The following DIAPH2 variants were observed in gnomAD, a reference collection of about 807,000 sequenced individuals.
DIAPH2 encodes the protein protein diaphanous homolog 2.
Under a neutral mutation model 92.7 loss-of-function variants are expected in DIAPH2, and 35 were observed. The ratio of observed to expected loss-of-function variants is 0.38; its 90% confidence interval spans 0.29 to 0.50. The LOEUF is 0.50. DIAPH2 is among the 20% of genes least tolerant of loss of function. The probability of loss-of-function intolerance (pLI) is 0.94; values close to 1 mark genes in which losing one functional copy is unlikely to be tolerated. For synonymous variants in DIAPH2, 301 were observed against 280.4 expected (o/e 1.07, Z -0.73); for missense variants, 701 against 819.5 (o/e 0.86, Z 1.77).
chrX:96,733,023 A>T (rs1367154429), intron 1 of DIAPH2, among the ~76,000 whole-genome samples: 2 of 111,731 alleles, frequency 1.8e-5, no homozygotes, highest in African/African-American at 6.5e-5. Context: ...TCTATAGGTC[A>T]TCAGGAGGCA....
intron 25 of DIAPH2, among the ~76,000 whole-genome samples, chrX:97,420,630 T>G (rs1425899320): frequency 8.9e-6 from 1 of 111,963 alleles, no homozygotes; most frequent in Admixed American, 9.4e-5. Context: ...GGTTTTAACT[T>G]TAATTGCTCT....
At chrX:97,019,260 A>G (rs1165712148) in intron 17 of DIAPH2, among the ~76,000 whole-genome samples, 2 of 111,600 alleles carry the variant, frequency 1.8e-5, no homozygotes, top group Non-Finnish European at 3.8e-5. Flanking sequence ...CAATCATGGT[A>G]AGAGTATGTT....
intron 17 of DIAPH2, among the ~76,000 whole-genome samples, chrX:96,987,075 C>T (rs771997060): frequency 9.0e-6 from 1 of 111,051 alleles, no homozygotes; most frequent in African/African-American, 3.3e-5. Context: ...AGAAAATAGT[C>T]CTTTTGCCTA....
intron 10 of DIAPH2, among the ~76,000 whole-genome samples, chrX:96,936,405 C>G (rs1375719243): frequency 9.0e-6 from 1 of 111,661 alleles, no homozygotes; most frequent in African/African-American, 3.2e-5. Flanking sequence ...ATCCTAGTCC[C>G]ACTTTCGGTA....
chrX:97,228,264 C>G (rs189863151), intron 22 of DIAPH2, among the ~76,000 whole-genome samples: 1 of 111,287 alleles, frequency 9.0e-6, no homozygotes, highest in Non-Finnish European at 1.9e-5. Context: ...AGCAGGTGCA[C>G]GCAGCAAATC....
At chrX:96,980,861 A>T (rs939979992) in intron 17 of DIAPH2, among the ~76,000 whole-genome samples, 1 of 109,150 alleles carries the variant, frequency 9.2e-6, no homozygotes, top group African/African-American at 3.3e-5. Flanking sequence ...GGGTGTTTTT[A>T]AAAAAATGTG....
At chrX:97,287,384 G>A (rs186630104) in intron 23 of DIAPH2, among the ~76,000 whole-genome samples, 182 of 111,306 alleles carry the variant, frequency 1.6e-3, no homozygotes, top group African/African-American at 5.6e-3. Flanking sequence ...GTACTGTTTA[G>A]CTGATACACG....
intron 20 of DIAPH2, among the ~76,000 whole-genome samples, chrX:97,104,067 C>T (rs2066922959): frequency 9.0e-6 from 1 of 111,674 alleles, no homozygotes. Flanking sequence ...TCCCAGATTA[C>T]CTTTTTTCTT....
chrX:97,048,099 G>A (rs1159271476), intron 17 of DIAPH2, among the ~76,000 whole-genome samples: 1 of 110,560 alleles, frequency 9.0e-6, no homozygotes, highest in East Asian at 2.8e-4. Flanking sequence ...CAAACCTACA[G>A]AAATTGCAAG....
intron 1 of DIAPH2, among the ~76,000 whole-genome samples, chrX:96,686,546 A>G (rs2063772156): frequency 8.9e-6 from 1 of 111,804 alleles, no homozygotes; most frequent in Admixed American, 9.5e-5. Flanking sequence ...GTTCCTAGCT[A>G]ACTTCACTGT....
At chrX:96,882,971 A>AAAAAAAAAAAAAC (rs1268611049) in intron 5 of DIAPH2, among the ~76,000 whole-genome samples, 1 of 99,652 alleles carries the variant, frequency 1.0e-5, no homozygotes, top group Non-Finnish European at 2.0e-5. Flanking sequence ...AAAAAAAAAA[A>AAAAAAAAAAAAAC]AAAAAAAAAA....
intron 4 of DIAPH2, among the ~76,000 whole-genome samples, chrX:96,790,890 A>G (rs1417360453): frequency 9.0e-6 from 1 of 111,338 alleles, no homozygotes; most frequent in East Asian, 2.8e-4. Context: ...ATAGAAATTG[A>G]TCTTGATGAG....
At chrX:96,780,119 G>A (rs939745774) in intron 4 of DIAPH2, among the ~76,000 whole-genome samples, 4 of 111,975 alleles carry the variant, frequency 3.6e-5, no homozygotes. Context: ...GATTTTCTTT[G>A]TATGATACAA....
At chrX:96,965,275 A>G in intron 17 of DIAPH2, 68 bp downstream of exon 17, 1 of 791,401 alleles carries the variant, frequency 1.3e-6, no homozygotes, top group East Asian at 4.1e-5. Flanking sequence ...TTTGCTAAAA[A>G]TTTCTAGTAA....
intron 17 of DIAPH2, among the ~76,000 whole-genome samples, chrX:96,984,684 T>C (rs188087584): frequency 3.0e-4 from 33 of 111,418 alleles, no homozygotes; most frequent in Admixed American, 2.7e-3. Flanking sequence ...AGATTTGTTT[T>C]GGTCTGTGGT....
intron 5 of DIAPH2, among the ~76,000 whole-genome samples, chrX:96,906,935 T>C (rs1451803221): frequency 9.0e-6 from 1 of 111,718 alleles, no homozygotes; most frequent in African/African-American, 3.3e-5. Context: ...TCTCCAGATA[T>C]AATCTTGGCT....
At chrX:97,355,663 A>C (rs1037227855) in intron 24 of DIAPH2, among the ~76,000 whole-genome samples, 3 of 111,354 alleles carry the variant, frequency 2.7e-5, no homozygotes, top group African/African-American at 9.8e-5. Context: ...TTTGTAAACT[A>C]GATGTCTCCA....
chrX:96,962,428 TACATATATATATACATATATACAC>T (rs1569436658), intron 16 of DIAPH2, among the ~76,000 whole-genome samples: 4 of 71,691 alleles, frequency 5.6e-5, no homozygotes, highest in African/African-American at 1.8e-4. Context: ...CACATATATA[TACATATATATATACATATATACAC>T]ACACATATAT....
intron 4 of DIAPH2, among the ~76,000 whole-genome samples, chrX:96,855,087 T>G: frequency 9.0e-6 from 1 of 111,386 alleles, no homozygotes; most frequent in Middle Eastern, 4.7e-3. Flanking sequence ...TCTTATTTTT[T>G]TATTTTATAT....
Sources: gnomAD v4.1 joint callset for allele counts (sites outside exome capture counted in the v4.1 genomes callset) on GRCh38, gnomAD v4.1.1 for gene constraint, MANE v1.5 for transcripts, NCBI Gene and HGNC (gene_info 2026-07-23, HGNC 2026-07-21) for gene names.